CARS2: variants seen among roughly 807,000 people sequenced by gnomAD.
The protein encoded by CARS2 is probable cysteine--tRNA ligase, mitochondrial.
A neutral mutation model predicts 68.8 loss-of-function variants in CARS2; 52 were observed. The observed-to-expected ratio is 0.76, with a 90% CI of 0.61 to 0.95. CARS2 has a LOEUF of 0.95. Among genes scored for constraint, CARS2 ranks in the 40% least tolerant of loss-of-function variants. CARS2 has a pLI of 0.00. For synonymous variants in CARS2, 314 were observed against 303.6 expected, an observed-to-expected ratio of 1.03 and a Z score of -0.36; for missense variants, 780 against 754.2, an observed-to-expected ratio of 1.03 and a Z score of -0.40.
intron 9 of CARS2, 84 bp from the exon 10 acceptor site, chr13:110,651,184 C>T (rs2062202695): frequency 2.2e-6 from 2 of 901,546 alleles, no homozygotes; most frequent in Admixed American, 5.0e-5. Flanking sequence ...TCTACAATTA[C>T]ATAAGTTATC....
Position 110,646,071 on chromosome 13 carries a change from C to T in CARS2, c.1213G>A (p.Ala405Thr), listed in dbSNP as rs1275159358. The change falls in exon 12 of 15, where the codon GCC becomes ACC. Residue 405 changes from alanine to threonine, a missense_variant. By Grantham distance (58) the Ala-to-Thr change is moderately conservative. Transcript: ENST00000257347. ...LWERLSSTKR[A>T]VKAALADDFD... The stretch of plus-strand genomic sequence containing the variant: ...TCATCTGCCAAGGCCGCCTTCACGG[C>T]CCTCTTGGTGCTGGAGAGCCTGAGG... The T allele has an allele frequency of 1.2e-6, 2 of 1,613,580 alleles. No homozygotes were observed. The highest frequency in any genetic ancestry group is 3.3e-5 in the Admixed American group (2 of 59,960).
intron 14 of CARS2, among the ~76,000 whole-genome samples, 180 bp downstream of exon 14, chr13:110,642,135 A>G (rs944321518): frequency 1.3e-5 from 2 of 152,144 alleles, no homozygotes; most frequent in Non-Finnish European, 2.9e-5. Flanking sequence ...TGGGAGGCAG[A>G]GGCAGAGGTT....
chr13:110,712,930 GC>G, intron 1 of CARS2: 1 of 1,556,768 alleles, frequency 6.4e-7, no homozygotes, highest in Non-Finnish European at 8.7e-7. Flanking sequence ...TGGCGCAGGC[GC>G]GGGAGCCGCC....
At chr13:110,663,333 A>T in intron 9 of CARS2, 118 bp downstream of exon 9, 2 of 1,016,320 alleles carry the variant, frequency 2.0e-6, no homozygotes, top group Non-Finnish European at 2.9e-6. Context: ...TCGTCATAAG[A>T]AAGGGGCCAG....
intron 10 of CARS2, among the ~76,000 whole-genome samples, chr13:110,648,130 C>T (rs753224747): frequency 3.9e-5 from 6 of 152,230 alleles, no homozygotes; most frequent in Non-Finnish European, 7.3e-5. Flanking sequence ...GAAAACCTCC[C>T]CCAGGGCTGT....
intron 3 of CARS2, among the ~76,000 whole-genome samples, chr13:110,692,616 C>T (rs529473556): frequency 2.4e-4 from 35 of 147,620 alleles, no homozygotes; most frequent in Non-Finnish European, 4.7e-4. Flanking sequence ...TTATCTAGGC[C>T]GGCCTGAGCA....
rs746782275 is a variant in CARS2, at chr13:110,653,215, T to TTG, written c.988-2117_988-2116dup. Among the ~76,000 whole-genome samples, 103 of 117,754 alleles carry TTG rather than the reference T, an allele frequency of 8.7e-4. No homozygotes were observed. The highest frequency in any genetic ancestry group is 2.5e-3 in the South Asian group (9 of 3,568). 77.3% of individuals were successfully genotyped at this position (117,754 alleles called of 152,430 possible). A position where few individuals can be genotyped will look rare whatever the true frequency, so the allele number is the denominator to read the frequency against. Reference sequence around the variant, plus strand: ...GGCTGGGGTATGTGTGTGTGTGTGTTTGTGTGTGTGTGTGTGAAGAGCCCC... The same window carrying TTG: ...GGCTGGGGTATGTGTGTGTGTGTGTTTGTGTGTGTGTGTGTGTGAAGAGCCCC... On this transcript the variant is annotated intron_variant, in intron 9 of 14. Coordinates refer to ENST00000257347, the MANE Select transcript of CARS2 (RefSeq NM_024537.4). This position sits in a 1 kb window ranked among gnomAD's most constrained non-coding sequence, Gnocchi z 5.6.
upstream of CARS2, among the ~76,000 whole-genome samples, chr13:110,709,285 G>A (rs1267594766): frequency 6.6e-6 from 1 of 151,690 alleles, no homozygotes; most frequent in Non-Finnish European, 1.5e-5. Context: ...GTACAGATGG[G>A]GTTTCTCCAT....
intron 9 of CARS2, among the ~76,000 whole-genome samples, chr13:110,657,025 G>A (rs893184431): frequency 4.1e-4 from 62 of 152,050 alleles, no homozygotes; most frequent in Admixed American, 3.2e-3. Context: ...AGTTTAAAAA[G>A]AAATAAGAGA....
At chr13:110,701,595 A>C (rs1160493766) in intron 2 of CARS2, 40 bp from the exon 3 acceptor site, 2 of 884,324 alleles carry the variant, frequency 2.3e-6, no homozygotes, top group East Asian at 4.8e-5. Flanking sequence ...TATTACACAA[A>C]GTCATCAGTT....
chr13:110,687,272 G>A (rs534693187), intron 5 of CARS2, among the ~76,000 whole-genome samples: 2 of 152,156 alleles, frequency 1.3e-5, no homozygotes, highest in Non-Finnish European at 2.9e-5. Context: ...CCCCACAACA[G>A]CTTTGCTGTT....
intron 13 of CARS2, chr13:110,643,407 C>G (rs184284467): frequency 1.4e-3 from 221 of 154,662 alleles, no homozygotes; most frequent in Admixed American, 2.6e-3. Context: ...GGAACTAAGT[C>G]TACCAGGTGA....
chr13:110,651,159 G>A, intron 9 of CARS2, 59 bp from the exon 10 acceptor site: 6 of 1,173,384 alleles, frequency 5.1e-6, no homozygotes, highest in Non-Finnish European at 7.5e-6. Flanking sequence ...GCACTGTTCA[G>A]AGAATATGTT....
At chr13:110,685,038 C>A (rs528531466) in intron 5 of CARS2, among the ~76,000 whole-genome samples, 1 of 152,128 alleles carries the variant, frequency 6.6e-6, no homozygotes, top group South Asian at 2.1e-4. Flanking sequence ...CCTGTGAAGA[C>A]GAGAATCCCT....
intron 9 of CARS2, among the ~76,000 whole-genome samples, chr13:110,657,616 C>T (rs1273192839): frequency 1.3e-5 from 2 of 152,178 alleles, no homozygotes; most frequent in Admixed American, 1.3e-4. Flanking sequence ...GACAAAAACA[C>T]TTTTCTTTAA....
chr13:110,692,101 CAT>C (rs772775650), intron 3 of CARS2, among the ~76,000 whole-genome samples: 47 of 140,840 alleles, frequency 3.3e-4, no homozygotes, highest in South Asian at 1.1e-3. Context: ...CACATATATA[CAT>C]ATATATATAT....
chr13:110,667,603 C>A, intron 7 of CARS2, 130 bp from the exon 8 acceptor site: 1 of 744,890 alleles, frequency 1.3e-6, no homozygotes. Context: ...CATCAATTTG[C>A]ATGATAATTT....
intron 11 of CARS2, 151 bp downstream of exon 11, chr13:110,646,950 C>A: frequency 1.1e-6 from 1 of 916,176 alleles, no homozygotes; most frequent in South Asian, 1.9e-5. Context: ...AGCACCCTGT[C>A]TCCTGGGGCC....
At chr13:110,695,366 T>C (rs2063590222) in intron 3 of CARS2, among the ~76,000 whole-genome samples, 1 of 152,190 alleles carries the variant, frequency 6.6e-6, no homozygotes, top group African/African-American at 2.4e-5. Context: ...GTATTAGTTA[T>C]TAAAAGTAAT....
Sources: gnomAD v4.1 joint callset for allele counts (sites outside exome capture counted in the v4.1 genomes callset) on GRCh38, gnomAD v4.1.1 for gene constraint, Gnocchi (gnomAD v3.1) non-coding constraint, MANE v1.5 for transcripts, NCBI Gene and HGNC (gene_info 2026-07-23, HGNC 2026-07-21) for gene names.